Variants in CFAP100 observed in about 807,000 individuals in gnomAD.
CFAP100 encodes cilia- and flagella-associated protein 100.
CFAP100 carries 70 observed loss-of-function variants against 81.5 expected under a neutral mutation model. The observed-to-expected ratio is 0.86, with a 90% CI of 0.71 to 1.05. The LOEUF (loss-of-function observed/expected upper bound fraction) is 1.05. Ranked by LOEUF, CFAP100 falls within the 50% of genes least tolerant of loss-of-function variation. The pLI is 0.00. For synonymous variants in CFAP100, 341 were observed against 314.8 expected, an observed-to-expected ratio of 1.08 and a Z score of -0.88; for missense variants, 811 against 776.5, an observed-to-expected ratio of 1.04 and a Z score of -0.53.
rs776088230 is a variant in CFAP100 at position 126,418,768 on chromosome 3, T to C, written c.644T>C (p.Met215Thr). The C allele has an allele frequency of 1.3e-6, 2 of 1,588,456 alleles. No individual in the cohort carries two copies. Among genetic ancestry groups the C allele is most frequent in the East Asian group, 2.3e-5 (1 of 44,066 alleles). ...RENDCSSVQA[M>T]RAAEKETKAK... The stretch of plus-strand genomic sequence containing the variant: ...AATGACTGCAGCTCCGTGCAGGCCA[T>C]GAGAGCGTGAGCCTGCGGGCCCGAG... Residue 215 changes from methionine (M) to threonine (T), a missense_variant, in exon 7 of 17, where the codon ATG (methionine) becomes ACG (threonine). Coordinates refer to ENST00000352312, the MANE Select transcript of CFAP100 (RefSeq NM_182628.3).
rs772893167 is a variant in CFAP100 at position 126,434,395 on chromosome 3, TCTCC to T, written c.1628+17_1628+20del. 6.2e-7 allele frequency: 1 copy of T among 1,605,426 alleles called. No individual in the cohort carries two copies. Among genetic ancestry groups the T allele is most frequent in the South Asian group, 1.1e-5 (1 of 90,032 alleles). ...GCGGCGCATCAGGTGAGCTCTAGGC[TCTCC>T]CTGCCAGCTGCTGTGTCCTGGCTGG... On this transcript the variant is annotated intron_variant, in intron 15 of 16. Transcript: ENST00000352312.
intron 13 of CFAP100, among the ~76,000 whole-genome samples, chr3:126,425,744 T>G (rs1280631101): frequency 2.0e-5 from 3 of 152,240 alleles, no homozygotes; most frequent in Non-Finnish European, 2.9e-5. Context: ...ATCCTAGGTA[T>G]GCAGGGCTGG....
intron 5 of CFAP100, 193 bp downstream of exon 5, chr3:126,416,701 A>G (rs1011257610): frequency 2.5e-5 from 13 of 517,810 alleles, no homozygotes; most frequent in Non-Finnish European, 4.4e-5. Flanking sequence ...AGGATTGCAA[A>G]CCTAAGAGCT....
At position 126,416,474 on chromosome 3, in the gene CFAP100, C is replaced by A. The variant is rs749059919; in HGVS notation, c.384C>A (p.Arg128=). ...RAEAEHQRAF[R]DYTTWKLTLT... is the part of the protein sequence containing the mutation. ...AGGCCGAGCATCAGCGCGCCTTCCG[C>A]GACTACACGACCTGGAAGCTCACCT... The change falls in exon 5 of 17, where the codon CGC becomes CGA. Residue 128 remains arginine, a synonymous_variant. Transcript: ENST00000352312. 6.2e-7 allele frequency: 1 copy of A among 1,604,356 alleles called. No homozygotes were observed. Among genetic ancestry groups the A allele is most frequent in the Non-Finnish European group, 8.5e-7 (1 of 1,175,560 alleles).
At chr3:126,417,413 G>A (rs2083260924) in intron 5 of CFAP100, among the ~76,000 whole-genome samples, 1 of 152,240 alleles carries the variant, frequency 6.6e-6, no homozygotes, top group Admixed American at 6.5e-5. Context: ...TCAGAGTCCT[G>A]GCGCACAGGG....
rs148308527 is a variant in CFAP100 at position 126,407,023 on chromosome 3, C to A, written c.50-149C>A. The A allele has an allele frequency of 2.2e-3, 1,211 of 550,204 alleles. 10 individuals carry two copies. Among genetic ancestry groups the A allele is most frequent in the African/African-American group, 0.02 (1,073 of 53,488 alleles). 34.1% of individuals were successfully genotyped at this position (550,204 alleles called of 1,614,324 possible). On this transcript the variant is annotated intron_variant, in intron 2 of 16. Transcript: ENST00000352312. ...AACTTCCCAGCAAAGTCAGTGTGAT[C>A]TCTGGGATGTAGAGCCCTCAGTCTC... is the stretch of plus-strand genomic sequence containing the variant.
chr3:126,436,363 A>T lies in CFAP100; in HGVS notation c.1795A>T (p.Met599Leu). The change falls in exon 17 of 17, where the codon ATG (methionine) becomes TTG (leucine). Residue 599 changes from methionine (M) to leucine (L), a missense_variant. Physicochemically the swap from Met to Leu is conservative, Grantham distance 15. Coordinates refer to ENST00000352312, the MANE Select transcript of CFAP100 (RefSeq NM_182628.3). The stretch of plus-strand genomic sequence containing the variant: ...CAAACAACAGTCTGAGCACACACTG[A>T]TGGACAAGGAGGAGGAGGAGCTGCT... ...RIKQQSEHTL[M>L]DKEEEELLFF... The T allele has an allele frequency of 6.2e-7, 1 of 1,614,188 alleles. No homozygotes were observed. The highest frequency in any genetic ancestry group is 8.5e-7 in the Non-Finnish European group (1 of 1,180,018).
chr3:126,396,335 G>A (rs776586396), intron 2 of CFAP100, among the ~76,000 whole-genome samples: 41 of 152,308 alleles, frequency 2.7e-4, no homozygotes, highest in Admixed American at 7.2e-4. Context: ...GGCTCTGAGC[G>A]AGAACCCATT....
At chr3:126,436,231 G>A in intron 16 of CFAP100, 60 bp from the exon 17 acceptor site, 1 of 1,335,638 alleles carries the variant, frequency 7.5e-7, no homozygotes, top group Non-Finnish European at 1.1e-6. Flanking sequence ...CCAGGGGCAG[G>A]GGTATATGGG....
chr3:126,431,747 C>T (rs185238644), intron 13 of CFAP100, among the ~76,000 whole-genome samples: 1 of 152,160 alleles, frequency 6.6e-6, no homozygotes, highest in Non-Finnish European at 1.5e-5. Flanking sequence ...CCTTTGTTTT[C>T]CCCCTTGCCA....
At chr3:126,396,958 C>T (rs2082899324) in intron 2 of CFAP100, among the ~76,000 whole-genome samples, 1 of 152,182 alleles carries the variant, frequency 6.6e-6, no homozygotes, top group African/African-American at 2.4e-5. Context: ...AAAGCCTCTC[C>T]CACCCTGTCA....
At position 126,418,644 on chromosome 3, in the gene CFAP100, C is replaced by A. The variant is rs367940063; in HGVS notation, c.520C>A (p.Arg174=). ...GGATGTCAAGCGGAGAGAGATCCAG[C>A]GGCTGGAGACGCTGGCGACCAAAGA... ...ALDVKRREIQ[R]LETLATKEEA... The change falls in exon 7 of 17, where the codon CGG becomes AGG. Residue 174 remains arginine (R), a synonymous_variant. Coordinates refer to ENST00000352312, the MANE Select transcript of CFAP100 (RefSeq NM_182628.3). 9 of 1,590,110 alleles carry A rather than the reference C, an allele frequency of 5.7e-6. No homozygotes were observed. In the African/African-American group the frequency reaches 1.1e-4, roughly 19 times the overall value.
chr3:126,398,438 G>A (rs941812753), intron 2 of CFAP100, among the ~76,000 whole-genome samples: 1 of 152,220 alleles, frequency 6.6e-6, no homozygotes, highest in African/African-American at 2.4e-5. Context: ...GAAGGAGCAG[G>A]TTGGGAGAGG....
intron 4 of CFAP100, among the ~76,000 whole-genome samples, chr3:126,415,973 C>T (rs1455613706): frequency 1.3e-5 from 2 of 152,178 alleles, no homozygotes; most frequent in South Asian, 2.1e-4. Context: ...GTTCCCTGCC[C>T]CTGGGTTGGT....
At position 126,420,237 on chromosome 3, in the gene CFAP100, G is replaced by A. The variant is rs757733856; in HGVS notation, c.1082+8G>A. 20 of 1,610,216 alleles carry A rather than the reference G, an allele frequency of 1.2e-5. No individual in the cohort carries two copies. Among genetic ancestry groups the A allele is most frequent in the East Asian group, 2.2e-5 (1 of 44,864 alleles). Reference sequence around the variant, plus strand: ...CGGTGGCGACTCCAGAGGGTGAGTGGGCTCGGGTGGTTGGGAGGGGCTGAG... The same window carrying A: ...CGGTGGCGACTCCAGAGGGTGAGTGAGCTCGGGTGGTTGGGAGGGGCTGAG... On this transcript the variant is annotated splice_region_variant and intron_variant, in intron 11 of 16. Coordinates refer to ENST00000352312, the MANE Select transcript of CFAP100 (RefSeq NM_182628.3).
At chr3:126,395,285 G>A (rs1379054687) in intron 1 of CFAP100, 1 of 152,248 alleles carries the variant, frequency 6.6e-6, no homozygotes, top group Non-Finnish European at 1.5e-5. Context: ...GCAGGAATGC[G>A]GCAGGAATGG....
intron 2 of CFAP100, among the ~76,000 whole-genome samples, chr3:126,397,057 G>A (rs1423874695): frequency 1.3e-5 from 2 of 152,204 alleles, no homozygotes; most frequent in Admixed American, 1.3e-4. Context: ...GCAAATGTGT[G>A]TAGATGAGGT....
At chr3:126,396,679 G>A (rs2107578512) in intron 2 of CFAP100, 1 of 152,482 alleles carries the variant, frequency 6.6e-6, no homozygotes, top group East Asian at 1.9e-4. Context: ...TCACCGTGAA[G>A]GTGAGCTTCT....
In CFAP100 at chr3:126,416,425, A is replaced by G. The variant is rs1235171740; in HGVS notation, c.335A>G (p.Gln112Arg). 1.2e-6 allele frequency: 2 copies of G among 1,612,000 alleles called. No homozygotes were observed. Among genetic ancestry groups the G allele is most frequent in the Admixed American group, 1.7e-5 (1 of 59,928 alleles). Residue 112 changes from glutamine to arginine, a missense_variant, in exon 5 of 17, where the codon CAG (glutamine) becomes CGG (arginine). Physicochemically the swap from Gln to Arg is conservative, Grantham distance 43. Transcript: ENST00000352312. ...LRRQLQLEDKQEDLEARAEAE... is the reference protein window; with the variant it reads ...LRRQLQLEDKREDLEARAEAE... Reference sequence around the variant, plus strand: ...CGGCAGCTGCAGCTGGAGGACAAGCAGGAGGACCTGGAGGCGCGCGCCGAG... The same window carrying G: ...CGGCAGCTGCAGCTGGAGGACAAGCGGGAGGACCTGGAGGCGCGCGCCGAG...
Sources: allele counts gnomAD v4.1 joint callset (sites outside exome capture counted in the v4.1 genomes callset), GRCh38; gene constraint gnomAD v4.1.1; transcripts MANE v1.5; gene names NCBI Gene and HGNC (gene_info 2026-07-23, HGNC 2026-07-21).